INPP4B: variants seen among roughly 807,000 people sequenced by gnomAD.
INPP4B encodes inositol polyphosphate-4-phosphatase type II B, also known as inositol polyphosphate 4-phosphatase type II.
In INPP4B, 55 loss-of-function variants were observed where a neutral mutation model predicts 122.5. That is an observed-to-expected ratio of 0.45 (90% CI 0.36 to 0.56). The LOEUF (loss-of-function observed/expected upper bound fraction) is 0.56, where lower values mean the gene tolerates loss of function less well. Ranked by LOEUF, INPP4B falls within the 20% of genes least tolerant of loss-of-function variation. The pLI is 0.00. For missense variants in INPP4B, 1,000 were observed against 1,097.7 expected, an observed-to-expected ratio of 0.91 and a Z score of 1.26; for synonymous variants, 403 against 388.7, an observed-to-expected ratio of 1.04 and a Z score of -0.43.
intron 21 of INPP4B, among the ~76,000 whole-genome samples, chr4:142,119,035 AC>A (rs1424631640): frequency 9.2e-5 from 14 of 152,240 alleles, no homozygotes; most frequent in African/African-American, 3.4e-4. Context: ...GCCAACAGAC[AC>A]ATGAAAATAT....
chr4:142,518,129 T>C (rs988177977), intron 2 of INPP4B, among the ~76,000 whole-genome samples: 5 of 152,186 alleles, frequency 3.3e-5, no homozygotes, highest in Non-Finnish European at 7.4e-5. Context: ...TATTGATCTA[T>C]TTCAGCAATT....
intron 2 of INPP4B, among the ~76,000 whole-genome samples, chr4:142,503,914 C>A (rs1389663640): frequency 6.6e-6 from 1 of 151,872 alleles, no homozygotes; most frequent in Non-Finnish European, 1.5e-5. Flanking sequence ...ATTATTTATT[C>A]CCATCCTTCA....
At chr4:142,301,679 C>T (rs1467478578) in intron 9 of INPP4B, among the ~76,000 whole-genome samples, 1 of 152,090 alleles carries the variant, frequency 6.6e-6, no homozygotes, top group South Asian at 2.1e-4. Context: ...TTAACTCTAC[C>T]CCTGTACTTA....
intron 5 of INPP4B, among the ~76,000 whole-genome samples, chr4:142,422,730 C>T (rs1482536343): frequency 6.6e-6 from 1 of 152,054 alleles, no homozygotes; most frequent in East Asian, 1.9e-4. Context: ...GGAAGGATTG[C>T]TTCAGCCTAG....
intron 3 of INPP4B, among the ~76,000 whole-genome samples, chr4:142,431,807 C>T (rs1809383063): frequency 6.6e-6 from 1 of 151,980 alleles, no homozygotes. Flanking sequence ...CTCCATCCAC[C>T]CTTGTTAGAA....
At chr4:142,279,186 A>C (rs1750048646) in intron 9 of INPP4B, among the ~76,000 whole-genome samples, 1 of 152,028 alleles carries the variant, frequency 6.6e-6, no homozygotes, top group Non-Finnish European at 1.5e-5. Flanking sequence ...ATATACTATG[A>C]TAATGGATTG....
chr4:142,483,054 G>A (rs562800270), intron 2 of INPP4B, among the ~76,000 whole-genome samples: 54 of 151,972 alleles, frequency 3.6e-4, no homozygotes, highest in African/African-American at 1.1e-3. Flanking sequence ...TCTTCTTTAT[G>A]CATAGTCCCC....
At chr4:142,592,462 G>C (rs1251127683) in intron 2 of INPP4B, among the ~76,000 whole-genome samples, 1 of 151,998 alleles carries the variant, frequency 6.6e-6, no homozygotes, top group Non-Finnish European at 1.5e-5. Context: ...CTAATAATAA[G>C]AAAGTTATTT....
chr4:142,756,022 G>A (rs946659022), intron 1 of INPP4B, among the ~76,000 whole-genome samples: 3 of 151,924 alleles, frequency 2.0e-5, no homozygotes, highest in Admixed American at 2.0e-4. Flanking sequence ...CCCAGCCCTC[G>A]ACCCTGGAGG....
chr4:142,566,865 T>A (rs543268024), intron 2 of INPP4B, among the ~76,000 whole-genome samples: 18 of 152,278 alleles, frequency 1.2e-4, no homozygotes, highest in Admixed American at 1.0e-3. Context: ...GCTCATTTTT[T>A]AAAAAAGCAA....
At chr4:142,220,997 C>T (rs1849105111) in intron 12 of INPP4B, among the ~76,000 whole-genome samples, 1 of 152,066 alleles carries the variant, frequency 6.6e-6, no homozygotes, top group Admixed American at 6.5e-5. Context: ...TTCTGTAGTA[C>T]TGGGGCTAGG....
intron 2 of INPP4B, among the ~76,000 whole-genome samples, chr4:142,670,837 G>A (rs1756892422): frequency 6.6e-6 from 1 of 152,080 alleles, no homozygotes; most frequent in South Asian, 2.1e-4. Flanking sequence ...GTGAGATAAT[G>A]CACATGTTAA....
intron 12 of INPP4B, among the ~76,000 whole-genome samples, chr4:142,227,467 A>T (rs1251870182): frequency 6.6e-6 from 1 of 152,192 alleles, no homozygotes; most frequent in East Asian, 1.9e-4. Flanking sequence ...AAGAAAGAAC[A>T]TTAAAAATAT....
intron 25 of INPP4B, among the ~76,000 whole-genome samples, chr4:142,063,400 C>A (rs1452374498): frequency 6.6e-6 from 1 of 152,110 alleles, no homozygotes; most frequent in Admixed American, 6.5e-5. Flanking sequence ...TAAAAAGCTT[C>A]TTTTTCTCTT....
At position 142,232,223 on chromosome 4, in the gene INPP4B, A is replaced by G. The variant is rs1043907621; in HGVS notation, c.836+5641T>C. 2.6e-5 allele frequency among the ~76,000 whole-genome samples: 4 copies of G among 152,186 alleles called. No individual in the cohort carries two copies. The South Asian group carries it at 6.2e-4, about 24-fold the overall frequency. On this transcript the variant is annotated intron_variant, in intron 12 of 25. Transcript: ENST00000262992. ...TTTACATATATATTTATTGTGTTTT[A>G]CTGTGCTTGGCTTTATTGCTCTTCA...
intron 7 of INPP4B, among the ~76,000 whole-genome samples, chr4:142,364,623 TC>T (rs1786726001): frequency 6.6e-6 from 1 of 152,058 alleles, no homozygotes; most frequent in Admixed American, 6.6e-5. Context: ...TACTTGGTTC[TC>T]AAAGTTAAGT....
At chr4:142,328,800 C>G (rs1181723516) in intron 7 of INPP4B, among the ~76,000 whole-genome samples, 1 of 152,130 alleles carries the variant, frequency 6.6e-6, no homozygotes, top group African/African-American at 2.4e-5. Flanking sequence ...AACATATGCT[C>G]TTTGGGATTC....
intron 23 of INPP4B, among the ~76,000 whole-genome samples, chr4:142,104,614 A>C (rs1028080921): frequency 2.6e-5 from 4 of 152,134 alleles, no homozygotes; most frequent in Admixed American, 6.6e-5. Flanking sequence ...AGAAACACAC[A>C]ATACATGTGC....
intron 1 of INPP4B, among the ~76,000 whole-genome samples, chr4:142,775,339 T>C (rs953382238): frequency 6.6e-6 from 1 of 152,200 alleles, no homozygotes; most frequent in Non-Finnish European, 1.5e-5. Flanking sequence ...TTCATGAAGG[T>C]AGAGTATCAG....
Sources: allele counts gnomAD v4.1 joint callset (sites outside exome capture counted in the v4.1 genomes callset), GRCh38; gene constraint gnomAD v4.1.1; transcripts MANE v1.5; gene names NCBI Gene and HGNC (gene_info 2026-07-23, HGNC 2026-07-21).